Variants in PDE10A observed in about 807,000 individuals in gnomAD.
PDE10A encodes the protein phosphodiesterase 10A.
Under a neutral mutation model 97.7 loss-of-function variants are expected in PDE10A, and 39 were observed. The observed-to-expected ratio is 0.40, with a 90% confidence interval of 0.31 to 0.52. PDE10A has a LOEUF of 0.52. Among genes scored for constraint, PDE10A ranks in the 20% least tolerant of loss-of-function variants. The pLI is 0.56. For synonymous variants in PDE10A, 371 were observed against 376.8 expected (o/e 0.98, Z 0.18); for missense variants, 731 against 1,047.8 (o/e 0.70, Z 4.17).
chr6:165,976,779 C>T (rs1003804187), intron 1 of PDE10A, among the ~76,000 whole-genome samples: 8 of 152,230 alleles, frequency 5.3e-5, no homozygotes, highest in Admixed American at 1.3e-4. Context: ...CACCAGCTCA[C>T]AATAACTGAC....
Position 165,727,324 on chromosome 6 carries a change from G to A in PDE10A, c.-614-183756C>T, listed in dbSNP as rs1792324378. Among the ~76,000 whole-genome samples the A allele has an allele frequency of 2.6e-5, 4 of 152,230 alleles. No individual in the cohort carries two copies. In the South Asian group the frequency reaches 8.3e-4, roughly 32 times the overall value. On this transcript the variant is annotated intron_variant, in intron 1 of 19. Coordinates refer to the PDE10A transcript ENST00000366882. Reference sequence around the variant, plus strand: ...TCACGCTTCTGGCTCACAAGCTTATGTGAGAGTCCAGTGTGCAGAGTTTGT... The same window carrying A: ...TCACGCTTCTGGCTCACAAGCTTATATGAGAGTCCAGTGTGCAGAGTTTGT...
chr6:165,718,654 C>T (rs1012308644), intron 1 of PDE10A, among the ~76,000 whole-genome samples: 6 of 151,926 alleles, frequency 3.9e-5, no homozygotes, highest in African/African-American at 2.4e-5. Context: ...CTTTTCCCCC[C>T]GGACGAGACA....
At chr6:165,948,096 C>CAT (rs1271689217) in intron 1 of PDE10A, 28 of 152,022 alleles carry the variant, frequency 1.8e-4, no homozygotes, top group African/African-American at 5.1e-4. Flanking sequence ...TATACACATA[C>CAT]ATATATATAC....
intron 2 of PDE10A, among the ~76,000 whole-genome samples, chr6:165,501,175 T>C (rs1293906629): frequency 6.6e-6 from 1 of 152,186 alleles, no homozygotes; most frequent in Non-Finnish European, 1.5e-5. Context: ...CCTGTGTCTC[T>C]TTCTTTTCTC....
chr6:165,557,653 T>C (rs1784322545), intron 1 of PDE10A, among the ~76,000 whole-genome samples: 1 of 152,224 alleles, frequency 6.6e-6, no homozygotes, highest in African/African-American at 2.4e-5. Context: ...CTAGCAAATA[T>C]ACCTTCTTGA....
chr6:165,482,373 A>C, intron 2 of PDE10A, 30 bp from the exon 3 acceptor site: 3 of 1,556,878 alleles, frequency 1.9e-6, no homozygotes, highest in Non-Finnish European at 2.7e-6. Flanking sequence ...AGGGAAAAAC[A>C]CAATTAGCGA....
At chr6:165,347,165 C>A (rs570571390) in intron 18 of PDE10A, among the ~76,000 whole-genome samples, 1 of 151,826 alleles carries the variant, frequency 6.6e-6, no homozygotes, top group Non-Finnish European at 1.5e-5. Flanking sequence ...TAATTTAAAT[C>A]ATATCTGTAA....
rs1782194611 is a variant in PDE10A, at chr6:165,522,560, T to C, written c.994+20880A>G. 2.0e-5 allele frequency among the ~76,000 whole-genome samples: 3 copies of C among 151,996 alleles called. No individual in the cohort carries two copies. The South Asian group carries it at 6.2e-4, about 32-fold the overall frequency. On this transcript the variant is annotated intron_variant, in intron 2 of 21. Transcript: ENST00000539869. The stretch of plus-strand genomic sequence containing the variant: ...AACATACAGAAAAGTTTCAATAAAA[T>C]CCAACATCCCCTCATCATAAAAGCC...
At chr6:165,784,336 G>A in intron 1 of PDE10A, among the ~76,000 whole-genome samples, 1 of 152,164 alleles carries the variant, frequency 6.6e-6, no homozygotes, top group South Asian at 2.1e-4. Flanking sequence ...CCTCCCATGA[G>A]CACCTCCTTG....
intron 3 of PDE10A, among the ~76,000 whole-genome samples, chr6:165,454,812 A>AT (rs551999549): frequency 7.9e-5 from 12 of 152,216 alleles, no homozygotes; most frequent in East Asian, 3.9e-4. Context: ...CTATTGACAT[A>AT]TTTTTTTTCA....
At chr6:165,391,979 C>T (rs1340939794) in intron 16 of PDE10A, among the ~76,000 whole-genome samples, 1 of 152,146 alleles carries the variant, frequency 6.6e-6, no homozygotes, top group Non-Finnish European at 1.5e-5. Context: ...GTAGATACTA[C>T]CAGGATCAAT....
At chr6:165,346,100 C>A (rs963902375) in intron 18 of PDE10A, among the ~76,000 whole-genome samples, 2 of 152,104 alleles carry the variant, frequency 1.3e-5, no homozygotes, top group African/African-American at 2.4e-5. Flanking sequence ...AACTTTTATT[C>A]CAAGTTTGAT....
At chr6:165,829,725 C>G (rs1442281030) in intron 1 of PDE10A, among the ~76,000 whole-genome samples, 1 of 152,222 alleles carries the variant, frequency 6.6e-6, no homozygotes, top group Non-Finnish European at 1.5e-5. Context: ...TACTTTTCCC[C>G]AATGCTTCCT....
chr6:165,765,489 C>G (rs886269431), intron 1 of PDE10A, among the ~76,000 whole-genome samples: 2 of 152,258 alleles, frequency 1.3e-5, no homozygotes, highest in Admixed American at 6.5e-5. Flanking sequence ...GCTGGCACTG[C>G]TGGGGGACCC....
chr6:165,462,644 G>A lies in PDE10A; in HGVS notation c.1024-12282C>T, dbSNP rs535531553. Among the ~76,000 whole-genome samples, 13 of 152,212 alleles carry A rather than the reference G, an allele frequency of 8.5e-5. No homozygotes were observed. In the East Asian group the frequency reaches 1.4e-3, roughly 16 times the overall value. The stretch of plus-strand genomic sequence containing the variant: ...TCCCCAACTGTCACGAGCAACACCC[G>A]TCAAACACAGCCACCCACATGGGGA... On this transcript the variant is annotated intron_variant, in intron 3 of 21. Coordinates refer to ENST00000539869, the MANE Select transcript of PDE10A (RefSeq NM_001385079.1).
At chr6:165,707,516 G>A (rs1791743654) in intron 1 of PDE10A, among the ~76,000 whole-genome samples, 1 of 152,196 alleles carries the variant, frequency 6.6e-6, no homozygotes, top group Non-Finnish European at 1.5e-5. Flanking sequence ...CCACGTGTCA[G>A]GTGGCTACCA....
intron 1 of PDE10A, among the ~76,000 whole-genome samples, chr6:165,576,174 C>T (rs772506313): frequency 6.6e-6 from 1 of 152,186 alleles, no homozygotes; most frequent in Non-Finnish European, 1.5e-5. Flanking sequence ...ACTAACCCAT[C>T]CAGTATGAAA....
chr6:165,788,212 T>A (rs1238980845), intron 1 of PDE10A, among the ~76,000 whole-genome samples: 4 of 152,062 alleles, frequency 2.6e-5, no homozygotes, highest in African/African-American at 9.7e-5. Context: ...TGAGGTTACA[T>A]AACTCTTTCA....
At chr6:165,524,467 C>T (rs999546576) in intron 2 of PDE10A, among the ~76,000 whole-genome samples, 5 of 152,076 alleles carry the variant, frequency 3.3e-5, no homozygotes, top group African/African-American at 9.7e-5. Context: ...CCTGATTCAC[C>T]GCTTGTAAGA....
Sources: allele counts gnomAD v4.1 joint callset (sites outside exome capture counted in the v4.1 genomes callset), GRCh38; gene constraint gnomAD v4.1.1; transcripts MANE v1.5; gene names NCBI Gene and HGNC (gene_info 2026-07-23, HGNC 2026-07-21).